ANKRD13C: variants seen among roughly 807,000 people sequenced by gnomAD.
The protein encoded by ANKRD13C is ankyrin repeat domain 13C.
Under a neutral mutation model 65.5 loss-of-function variants are expected in ANKRD13C, and 16 were observed. The ratio of observed to expected loss-of-function variants is 0.24; its 90% confidence interval spans 0.17 to 0.37. The LOEUF (loss-of-function observed/expected upper bound fraction) is 0.37. Ranked by LOEUF, ANKRD13C falls within the 10% of genes least tolerant of loss-of-function variation. The pLI is 1.00. For synonymous variants in ANKRD13C, 235 were observed against 238.7 expected (o/e 0.98, Z 0.14); for missense variants, 503 against 655.9 (o/e 0.77, Z 2.55).
intron 10 of ANKRD13C, among the ~76,000 whole-genome samples, chr1:70,275,835 C>A (rs750374334): frequency 5.9e-5 from 9 of 151,640 alleles, no homozygotes; most frequent in Non-Finnish European, 1.3e-4. Context: ...GTGGAGCGCA[C>A]CTGTATTCCC....
intron 1 of ANKRD13C, among the ~76,000 whole-genome samples, chr1:70,341,143 A>G (rs1456380810): frequency 1.3e-5 from 2 of 152,110 alleles, no homozygotes; most frequent in Non-Finnish European, 2.9e-5. Flanking sequence ...ACACCATTAT[A>G]CCAACTTTTT....
chr1:70,324,768 A>G (rs1231933672), intron 3 of ANKRD13C, 85 bp downstream of exon 3: 1 of 990,206 alleles, frequency 1.0e-6, no homozygotes, highest in African/African-American at 1.6e-5. Flanking sequence ...ATATTATGGC[A>G]AGTTACAATG....
chr1:70,280,371 ATGG>A (rs1679335265), intron 9 of ANKRD13C, among the ~76,000 whole-genome samples: 1 of 152,214 alleles, frequency 6.6e-6, no homozygotes, highest in Non-Finnish European at 1.5e-5. Context: ...GGAAAGCAGA[ATGG>A]TGAGAGAAAG....
At chr1:70,298,547 GTACCCTTAA>G (rs530355527) in intron 7 of ANKRD13C, among the ~76,000 whole-genome samples, 406 of 151,880 alleles carry the variant, frequency 2.7e-3, no homozygotes, top group Non-Finnish European at 4.5e-3. Context: ...CTTAAAACTG[GTACCCTTAA>G]TACCAGTTCT....
At chr1:70,314,258 G>A (rs1024749515) in intron 4 of ANKRD13C, among the ~76,000 whole-genome samples, 5 of 151,084 alleles carry the variant, frequency 3.3e-5, no homozygotes, top group African/African-American at 1.2e-4. Context: ...TCACTCCATC[G>A]CCCAGGTTGG....
chr1:70,339,541 A>G (rs1015911448), intron 1 of ANKRD13C, among the ~76,000 whole-genome samples: 2 of 151,844 alleles, frequency 1.3e-5, no homozygotes, highest in African/African-American at 2.4e-5. Flanking sequence ...CTGGTCTCAA[A>G]TTCCTGGCCT....
At chr1:70,309,917 C>CA (rs957006701) in intron 5 of ANKRD13C, among the ~76,000 whole-genome samples, 10 of 151,676 alleles carry the variant, frequency 6.6e-5, no homozygotes, top group South Asian at 6.2e-4. Flanking sequence ...GGGCTTTCTT[C>CA]AAAAAAATGA....
intron 10 of ANKRD13C, among the ~76,000 whole-genome samples, chr1:70,275,973 A>C (rs943925786): frequency 3.5e-4 from 53 of 150,814 alleles, no homozygotes; most frequent in Admixed American, 2.0e-4. Flanking sequence ...AAAAAAAAAA[A>C]AAAAAAAAAC....
At chr1:70,308,224 A>T (rs1018229169) in intron 5 of ANKRD13C, among the ~76,000 whole-genome samples, 7 of 152,042 alleles carry the variant, frequency 4.6e-5, no homozygotes, top group African/African-American at 1.7e-4. Context: ...TTGAACTCCT[A>T]GCCTCAAGAG....
chr1:70,337,132 T>C (rs1428965786), intron 1 of ANKRD13C, among the ~76,000 whole-genome samples: 2 of 144,806 alleles, frequency 1.4e-5, no homozygotes. Flanking sequence ...TGACAAGAGA[T>C]CGGCCATGAT....
intron 12 of ANKRD13C, among the ~76,000 whole-genome samples, chr1:70,264,492 A>T (rs1262147685): frequency 6.6e-6 from 1 of 151,250 alleles, no homozygotes; most frequent in Non-Finnish European, 1.5e-5. Flanking sequence ...AAAAAAAAAA[A>T]AAAAAAAAAA....
At chr1:70,283,493 T>C (rs1362229937) in intron 9 of ANKRD13C, among the ~76,000 whole-genome samples, 1 of 152,090 alleles carries the variant, frequency 6.6e-6, no homozygotes, top group Non-Finnish European at 1.5e-5. Flanking sequence ...TATTTTATTA[T>C]GTATTCCTCT....
chr1:70,329,097 T>C (rs963678494), intron 2 of ANKRD13C, among the ~76,000 whole-genome samples: 2 of 152,038 alleles, frequency 1.3e-5, no homozygotes, highest in African/African-American at 4.8e-5. Context: ...AAGAGTACGA[T>C]ATGAAGGGAT....
intron 2 of ANKRD13C, among the ~76,000 whole-genome samples, chr1:70,331,330 G>T (rs1387924737): frequency 2.0e-5 from 3 of 152,086 alleles, no homozygotes; most frequent in Non-Finnish European, 2.9e-5. Context: ...GGAGGCCGAG[G>T]TGGGTAAATC....
At chr1:70,330,953 G>A (rs1681769153) in intron 2 of ANKRD13C, among the ~76,000 whole-genome samples, 1 of 151,908 alleles carries the variant, frequency 6.6e-6, no homozygotes, top group Non-Finnish European at 1.5e-5. Flanking sequence ...CCTCCCACGT[G>A]ACATTACTAA....
At chr1:70,343,422 T>C (rs547662647) in intron 1 of ANKRD13C, among the ~76,000 whole-genome samples, 8 of 152,374 alleles carry the variant, frequency 5.3e-5, no homozygotes, top group African/African-American at 1.9e-4. Flanking sequence ...TAAACTTTGC[T>C]ATCAACTTTT....
intron 12 of ANKRD13C, among the ~76,000 whole-genome samples, chr1:70,266,486 A>G (rs1250024648): frequency 6.6e-6 from 1 of 152,202 alleles, no homozygotes; most frequent in East Asian, 1.9e-4. Context: ...TCTGATCTAA[A>G]TGCCTAGCAA....
intron 2 of ANKRD13C, among the ~76,000 whole-genome samples, chr1:70,325,167 C>T (rs1030665391): frequency 1.3e-5 from 2 of 152,040 alleles, no homozygotes; most frequent in Non-Finnish European, 2.9e-5. Context: ...CATTCTACTG[C>T]CTAAAAATAA....
intron 9 of ANKRD13C, among the ~76,000 whole-genome samples, chr1:70,282,816 G>T (rs1397591417): frequency 6.6e-6 from 1 of 152,088 alleles, no homozygotes; most frequent in African/African-American, 2.4e-5. Flanking sequence ...TAGAACCACA[G>T]CAAAGACTAA....
Sources: gnomAD v4.1 joint callset for allele counts (sites outside exome capture counted in the v4.1 genomes callset) on GRCh38, gnomAD v4.1.1 for gene constraint, MANE v1.5 for transcripts, NCBI Gene and HGNC (gene_info 2026-07-23, HGNC 2026-07-21) for gene names.